COL12A1: variants seen among roughly 807,000 people sequenced by gnomAD.
COL12A1 encodes collagen alpha-1(XII) chain.
COL12A1 carries 114 observed loss-of-function variants against 349.7 expected under a neutral mutation model. The ratio of observed to expected loss-of-function variants is 0.33; its 90% confidence interval spans 0.28 to 0.38. The LOEUF (loss-of-function observed/expected upper bound fraction) is 0.38, where lower values mean the gene tolerates loss of function less well. Among genes scored for constraint, COL12A1 ranks in the 10% least tolerant of loss-of-function variants. The pLI, the probability that COL12A1 is intolerant of heterozygous loss-of-function variation, is 1.00. For missense variants in COL12A1, 3,284 were observed against 3,756.9 expected, an observed-to-expected ratio of 0.87 and a Z score of 3.29; for synonymous variants, 1,369 against 1,329.0, an observed-to-expected ratio of 1.03 and a Z score of -0.66.
chr6:75,164,452 CT>C (rs1313907513), intron 14 of COL12A1, among the ~76,000 whole-genome samples: 1 of 152,164 alleles, frequency 6.6e-6, no homozygotes, highest in African/African-American at 2.4e-5. Flanking sequence ...AGTCTTTCTC[CT>C]TTTCCTAAAA....
At chr6:75,151,525 C>T (rs1440729848) in intron 20 of COL12A1, among the ~76,000 whole-genome samples, 2 of 152,042 alleles carry the variant, frequency 1.3e-5, no homozygotes, top group African/African-American at 4.8e-5. Flanking sequence ...GCACCAATTT[C>T]CCGCCAAAAA....
At position 75,189,829 on chromosome 6, in the gene COL12A1, G is replaced by A. The variant is rs1769835403; in HGVS notation, c.395-14C>T. 1 of 1,607,090 alleles carries A rather than the reference G, an allele frequency of 6.2e-7. No homozygotes were observed. The highest frequency in any genetic ancestry group is 8.5e-7 in the Non-Finnish European group (1 of 1,175,702). On this transcript the variant is annotated splice_polypyrimidine_tract_variant and intron_variant, in intron 5 of 65. Coordinates refer to ENST00000322507, the MANE Select transcript of COL12A1 (RefSeq NM_004370.6). ...TGACAGAGCATTCTGAAATACATTT[G>A]ATATCTTTTTAAATGATGCTTTATT...
rs752633980 is a variant in COL12A1 at position 75,183,169 on chromosome 6, G to C, written c.1772C>G (p.Pro591Arg). ...RSELEAIASP[P>R]AETHVFTVED... ...CACTGTGAACACATGGGTCTCTGCA[G>C]GAGGAGAGGCAATAGCTTCCAATTC... The change falls in exon 10 of 66, where the codon CCT becomes CGT. Residue 591 changes from proline to arginine, a missense_variant. Around this residue, in one of 2 missense-constraint regions of COL12A1, gnomAD observed 2,601 missense variants for 2,824.8 expected, o/e 0.92. Transcript: ENST00000322507. The C allele has an allele frequency of 5.0e-6, 8 of 1,614,034 alleles. No individual in the cohort carries two copies. The highest frequency in any genetic ancestry group is 4.4e-5 in the South Asian group (4 of 91,094).
At chr6:75,150,081 A>G (rs1467078522) in intron 21 of COL12A1, among the ~76,000 whole-genome samples, 1 of 152,154 alleles carries the variant, frequency 6.6e-6, no homozygotes, top group Non-Finnish European at 1.5e-5. Context: ...TAGCACCCAG[A>G]GCAAGTGAAC....
chr6:75,088,731 G>A (rs573577873), intron 64 of COL12A1, among the ~76,000 whole-genome samples: 34 of 151,738 alleles, frequency 2.2e-4, no homozygotes, highest in Non-Finnish European at 2.6e-4. Flanking sequence ...GGCTGGGAGC[G>A]GTGGCTCACT....
chr6:75,095,775 T>G (rs1016758471), intron 59 of COL12A1, among the ~76,000 whole-genome samples: 7 of 152,218 alleles, frequency 4.6e-5, no homozygotes, highest in Non-Finnish European at 1.0e-4. Context: ...TTTCACAATT[T>G]AAGACTATGA....
At chr6:75,169,629 CATA>C (rs1183736906) in intron 13 of COL12A1, among the ~76,000 whole-genome samples, 1 of 152,136 alleles carries the variant, frequency 6.6e-6, no homozygotes, top group African/African-American at 2.4e-5. Flanking sequence ...TGTTTAGTCT[CATA>C]GTACTTGCTC....
rs573491497 is a variant in COL12A1 at position 75,124,217 on chromosome 6, C to T, written c.6724+38G>A. ...ACTGAAATTTAAAATGTTTCCACTACATGCTCCAGATCATTTTTTTCTTTT... is the reference window on the plus strand; with the variant it reads ...ACTGAAATTTAAAATGTTTCCACTATATGCTCCAGATCATTTTTTTCTTTT... On this transcript the variant is annotated intron_variant, in intron 41 of 65. Coordinates refer to ENST00000322507, the MANE Select transcript of COL12A1 (RefSeq NM_004370.6). 2 of 1,600,520 alleles carry T rather than the reference C, an allele frequency of 1.2e-6. 1 individual carries two copies. The highest frequency in any genetic ancestry group is 2.7e-5 in the African/African-American group (2 of 74,358).
chr6:75,101,698 C>T (rs1768312723), intron 57 of COL12A1, 45 bp from the exon 58 acceptor site: 1 of 1,583,694 alleles, frequency 6.3e-7, no homozygotes, highest in Admixed American at 1.9e-5. Context: ...AATATACTTC[C>T]TGTGTGGGAG....
rs187340453 is a variant in COL12A1, at chr6:75,191,105, G to A, written c.394+596C>T. On this transcript the variant is annotated intron_variant, in intron 5 of 65. Transcript: ENST00000322507. Reference sequence around the variant, plus strand: ...GACAAAAGGAGGCTAATAACTGCAAGATCTAGACTAAATAAAATTGCTTTC... The same window carrying A: ...GACAAAAGGAGGCTAATAACTGCAAAATCTAGACTAAATAAAATTGCTTTC... 1.4e-4 allele frequency among the ~76,000 whole-genome samples: 21 copies of A among 151,938 alleles called. No individual in the cohort carries two copies. In the East Asian group the frequency reaches 4.1e-3, roughly 29 times the overall value.
chr6:75,179,240 A>T (rs1333238507), intron 11 of COL12A1, among the ~76,000 whole-genome samples: 1 of 152,122 alleles, frequency 6.6e-6, no homozygotes, highest in Non-Finnish European at 1.5e-5. Flanking sequence ...ACTTTACCAA[A>T]CTCCATTGTA....
At chr6:75,164,024 T>G (rs1180465774) in intron 14 of COL12A1, among the ~76,000 whole-genome samples, 2 of 152,198 alleles carry the variant, frequency 1.3e-5, no homozygotes, top group African/African-American at 4.8e-5. Context: ...AAGTTTACAA[T>G]ACAGCTTCTC....
chr6:75,103,663 CTTGCTCAAGATCACATACCCCCT>C lies in COL12A1; in HGVS notation c.8319+71_8319+93del, dbSNP rs951861043. 10 of 996,668 alleles carry C rather than the reference CTTGCTCAAGATCACATACCCCCT, an allele frequency of 1.0e-5. No homozygotes were observed. In the African/African-American group the frequency reaches 1.6e-4, roughly 16 times the overall value. 61.7% of individuals were successfully genotyped at this position (996,668 alleles called of 1,614,324 possible). A position where few individuals can be genotyped will look rare whatever the true frequency, so the allele number is the denominator to read the frequency against. On this transcript the variant is annotated intron_variant, in intron 55 of 65. Transcript: ENST00000322507. ...CTGAGGCACACTGAACCTGAGCTGA[CTTGCTCAAGATCACATACCCCCT>C]TTGTGAAAATTTGAACAACCAGATT... is the stretch of plus-strand genomic sequence containing the variant.
chr6:75,130,808 T>C (rs1766262598), intron 36 of COL12A1, 44 bp downstream of exon 36: 1 of 1,607,924 alleles, frequency 6.2e-7, no homozygotes, highest in Non-Finnish European at 8.5e-7. Flanking sequence ...GCCCTGCCAA[T>C]CTAGCTACAA....
chr6:75,137,360 T>C (rs1396268781), intron 31 of COL12A1, 77 bp downstream of exon 31: 12 of 1,323,166 alleles, frequency 9.1e-6, no homozygotes, highest in Non-Finnish European at 1.1e-5. Flanking sequence ...TATGACTAAC[T>C]AAGCACTGAG....
intron 13 of COL12A1, among the ~76,000 whole-genome samples, chr6:75,172,235 A>G (rs1194503981): frequency 6.6e-6 from 1 of 152,244 alleles, no homozygotes; most frequent in Non-Finnish European, 1.5e-5. Context: ...CATCTGGCTT[A>G]CAAAAATCAC....
rs1768352662 is a variant in COL12A1, at chr6:75,102,541, T to C, written c.8415+56A>G. On this transcript the variant is annotated intron_variant, in intron 56 of 65. Transcript: ENST00000322507. ...TTTGGCAAAATGTAGAAAAGATTCATTTAACTAAATGTTTATCCACCACTC... is the reference window on the plus strand; with the variant it reads ...TTTGGCAAAATGTAGAAAAGATTCACTTAACTAAATGTTTATCCACCACTC... 4.5e-6 allele frequency: 6 copies of C among 1,324,334 alleles called. No homozygotes were observed. The South Asian group carries it at 8.7e-5, about 19-fold the overall frequency. 82.0% of individuals were successfully genotyped at this position (1,324,334 alleles called of 1,614,324 possible).
Position 75,123,375 on chromosome 6 carries a change from G to A in COL12A1, c.6901C>T (p.Pro2301Ser). The A allele has an allele frequency of 6.2e-7, 1 of 1,600,424 alleles. No homozygotes were observed. Among genetic ancestry groups the A allele is most frequent in the Non-Finnish European group, 8.5e-7 (1 of 1,172,884 alleles). ...GTGGGAGGGGGAGGAGGTGTGGGTG[G>A]CTCTGTAGGGGCTTCTGTTGGTTTC... is the stretch of plus-strand genomic sequence containing the variant. ...TVKPTEAPTEPPTPPPPPTIP... is the reference protein window; with the variant it reads ...TVKPTEAPTESPTPPPPPTIP... The change falls in exon 43 of 66, where the codon CCA becomes TCA. Residue 2301 changes from proline (P) to serine (S), a missense_variant. Pro to Ser is a moderately conservative substitution (Grantham distance 74). Transcript: ENST00000322507.
rs1582052542 is a variant in COL12A1 at position 75,103,613 on chromosome 6, G to T, written c.8319+144C>A. On this transcript the variant is annotated intron_variant, in intron 55 of 65. Transcript: ENST00000322507. Reference sequence around the variant, plus strand: ...CTAATCCATCATTATGACATCCAGAGATAAGACAGAGGTAATTATATTACC... The same window carrying T: ...CTAATCCATCATTATGACATCCAGATATAAGACAGAGGTAATTATATTACC... 4.8e-6 allele frequency: 3 copies of T among 626,090 alleles called. No individual in the cohort carries two copies. In the East Asian group the frequency reaches 8.8e-5, roughly 18 times the overall value. 38.8% of individuals were successfully genotyped at this position (626,090 alleles called of 1,614,324 possible).
Sources: allele counts gnomAD v4.1 joint callset (sites outside exome capture counted in the v4.1 genomes callset), GRCh38; gene constraint gnomAD v4.1.1; regional missense constraint gnomAD v4.1.1; transcripts MANE v1.5; gene names NCBI Gene and HGNC (gene_info 2026-07-23, HGNC 2026-07-21).